Variants in PCDH9 observed in about 807,000 individuals in gnomAD.
PCDH9 encodes protocadherin-9.
In PCDH9, 24 loss-of-function variants were observed where a neutral mutation model predicts 70.6. The ratio of observed to expected loss-of-function variants is 0.34; its 90% CI spans 0.25 to 0.48. PCDH9 has a LOEUF of 0.48. Ranked by LOEUF, PCDH9 falls within the 20% of genes least tolerant of loss-of-function variation. PCDH9 has a pLI of 0.99. For synonymous variants in PCDH9, 562 were observed against 558.5 expected, an observed-to-expected ratio of 1.01 and a Z score of -0.09; for missense variants, 1,281 against 1,503.6, an observed-to-expected ratio of 0.85 and a Z score of 2.45.
At chr13:66,637,496 A>G (rs1449875063) in intron 3 of PCDH9, among the ~76,000 whole-genome samples, 2 of 152,134 alleles carry the variant, frequency 1.3e-5, no homozygotes, top group Non-Finnish European at 2.9e-5. Context: ...TTTATGAGTC[A>G]TTTTATCATT....
chr13:66,416,321 A>G (rs75952982), intron 4 of PCDH9, among the ~76,000 whole-genome samples: 3 of 149,840 alleles, frequency 2.0e-5, no homozygotes, highest in African/African-American at 7.3e-5. Context: ...AGCTTACAGA[A>G]AAAAAAAAAA....
intron 4 of PCDH9, among the ~76,000 whole-genome samples, chr13:66,318,352 TA>T (rs1955691799): frequency 6.6e-6 from 1 of 152,218 alleles, no homozygotes; most frequent in Non-Finnish European, 1.5e-5. Flanking sequence ...TCTTATACTT[TA>T]GTTACTGTTT....
intron 2 of PCDH9, among the ~76,000 whole-genome samples, chr13:67,063,840 C>T (rs2085588105): frequency 6.6e-6 from 1 of 151,992 alleles, no homozygotes. Context: ...TCTTACAACA[C>T]AAAAGTGTAC....
chr13:66,716,072 T>C (rs1593941816), intron 3 of PCDH9, among the ~76,000 whole-genome samples: 1 of 152,250 alleles, frequency 6.6e-6, no homozygotes, highest in East Asian at 1.9e-4. Context: ...ACATGCTTAA[T>C]ACTATCAGAG....
chr13:66,787,773 A>G (rs2080102961), intron 3 of PCDH9, among the ~76,000 whole-genome samples: 2 of 152,064 alleles, frequency 1.3e-5, no homozygotes, highest in East Asian at 1.9e-4. Context: ...CCTTCATCCA[A>G]TCAGTTGGCG....
chr13:66,414,953 G>A (rs1339177532), intron 4 of PCDH9, among the ~76,000 whole-genome samples: 1 of 152,016 alleles, frequency 6.6e-6, no homozygotes, highest in African/African-American at 2.4e-5. Context: ...TAAAAATAAT[G>A]TACTGTTAAA....
chr13:66,391,529 TA>T (rs980932729), intron 4 of PCDH9, among the ~76,000 whole-genome samples: 40 of 152,156 alleles, frequency 2.6e-4, no homozygotes, highest in Non-Finnish European at 4.6e-4. Flanking sequence ...CAATGAATTT[TA>T]AAAAAGTACA....
intron 4 of PCDH9, among the ~76,000 whole-genome samples, chr13:66,576,067 G>C (rs1338200068): frequency 1.6e-5 from 2 of 123,470 alleles, no homozygotes; most frequent in African/African-American, 7.1e-5. Flanking sequence ...CATCACAGCA[G>C]ATAAAAAAAA....
intron 3 of PCDH9, among the ~76,000 whole-genome samples, chr13:66,717,685 T>C (rs542091830): frequency 1.2e-4 from 18 of 151,654 alleles, no homozygotes; most frequent in Non-Finnish European, 2.5e-4. Context: ...AATCAGCTTG[T>C]AGTCAGGCTT....
intron 2 of PCDH9, among the ~76,000 whole-genome samples, chr13:67,100,014 T>C (rs891103625): frequency 4.6e-5 from 7 of 152,162 alleles, no homozygotes; most frequent in Non-Finnish European, 8.8e-5. Flanking sequence ...CACTGAACTA[T>C]GTTTAAAAGA....
intron 2 of PCDH9, among the ~76,000 whole-genome samples, chr13:66,928,242 T>C (rs964984668): frequency 6.6e-6 from 1 of 152,076 alleles, no homozygotes; most frequent in African/African-American, 2.4e-5. Flanking sequence ...CTGATTTTTC[T>C]CCAAGTTAAA....
intron 3 of PCDH9, among the ~76,000 whole-genome samples, chr13:66,865,067 A>T (rs541352316): frequency 6.6e-6 from 1 of 152,356 alleles, no homozygotes; most frequent in East Asian, 1.9e-4. Flanking sequence ...GTATATCCCT[A>T]AAACAGAATC....
intron 2 of PCDH9, chr13:67,207,769 A>G (rs2089385237): frequency 6.6e-6 from 1 of 152,214 alleles, no homozygotes; most frequent in African/African-American, 2.4e-5. Context: ...TAATAAAGCT[A>G]TGACTAATCA....
chr13:66,974,766 C>T (rs2083585744), intron 2 of PCDH9, among the ~76,000 whole-genome samples: 1 of 151,998 alleles, frequency 6.6e-6, no homozygotes, highest in Admixed American at 6.6e-5. Context: ...TGCACATATA[C>T]AGAATTTCAG....
intron 3 of PCDH9, among the ~76,000 whole-genome samples, chr13:66,641,974 T>C (rs1195412916): frequency 6.6e-6 from 1 of 152,172 alleles, no homozygotes; most frequent in East Asian, 1.9e-4. Flanking sequence ...TGAAATATTT[T>C]GATTAGAAAT....
intron 4 of PCDH9, among the ~76,000 whole-genome samples, chr13:66,478,289 C>G (rs530527402): frequency 6.6e-6 from 1 of 152,074 alleles, no homozygotes; most frequent in African/African-American, 2.4e-5. Context: ...TTCCTTGGAC[C>G]CTCCTATTCT....
At chr13:66,499,283 TA>T (rs1959164972) in intron 4 of PCDH9, among the ~76,000 whole-genome samples, 3 of 152,174 alleles carry the variant, frequency 2.0e-5, no homozygotes, top group Admixed American at 6.5e-5. Context: ...ATTAAATCTT[TA>T]AAGCAGATTT....
chr13:66,444,173 C>A (rs984502096), intron 4 of PCDH9, among the ~76,000 whole-genome samples: 1 of 152,108 alleles, frequency 6.6e-6, no homozygotes, highest in Non-Finnish European at 1.5e-5. Context: ...CCTTACTGGA[C>A]CTTTAAGCTT....
chr13:66,992,598 C>G (rs1245183962), intron 2 of PCDH9, among the ~76,000 whole-genome samples: 1 of 152,162 alleles, frequency 6.6e-6, no homozygotes, highest in Admixed American at 6.5e-5. Context: ...CACTTCACAA[C>G]TCCCTGACAT....
Sources: allele counts gnomAD v4.1 joint callset (sites outside exome capture counted in the v4.1 genomes callset), GRCh38; gene constraint gnomAD v4.1.1; transcripts MANE v1.5; gene names NCBI Gene and HGNC (gene_info 2026-07-23, HGNC 2026-07-21).